Variants in UBE2G1 observed in about 807,000 individuals in gnomAD.
The protein encoded by UBE2G1 is ubiquitin-conjugating enzyme E2 G1.
In UBE2G1, 5 loss-of-function variants were observed where a neutral mutation model predicts 22.7. That is an observed-to-expected ratio of 0.22 (90% confidence interval 0.12 to 0.46). UBE2G1 has a LOEUF of 0.46. Among genes scored for constraint, UBE2G1 ranks in the 20% least tolerant of loss-of-function variants. The pLI is 0.99. For synonymous variants in UBE2G1, 74 were observed against 67.5 expected (o/e 1.10, Z -0.47); for missense variants, 88 against 203.9 (o/e 0.43, Z 3.46).
intron 1 of UBE2G1, among the ~76,000 whole-genome samples, chr17:4,353,462 TAC>T (rs150917099): frequency 0.3 from 44,463 of 147,196 alleles, 6,687 homozygotes; most frequent in Admixed American, 0.36. Flanking sequence ...TATATATATA[TAC>T]ACACACACAC....
intron 1 of UBE2G1, among the ~76,000 whole-genome samples, chr17:4,336,344 T>TA (rs947202174): frequency 2.6e-5 from 4 of 152,054 alleles, no homozygotes; most frequent in African/African-American, 4.8e-5. Flanking sequence ...TTTGAGAAGT[T>TA]AAAGTAAAAG....
At chr17:4,282,769 C>A in intron 5 of UBE2G1, 29 bp downstream of exon 5, 1 of 1,464,110 alleles carries the variant, frequency 6.8e-7, no homozygotes, top group Non-Finnish European at 9.3e-7. Flanking sequence ...TACAAAAAAA[C>A]AAAAGTATGA....
At chr17:4,327,482 C>T (rs1969515908) in intron 1 of UBE2G1, among the ~76,000 whole-genome samples, 1 of 151,708 alleles carries the variant, frequency 6.6e-6, no homozygotes, top group Admixed American at 6.6e-5. Context: ...ATAAAAGAAA[C>T]AGAAAAAGAA....
At chr17:4,295,747 CTTTAT>C (rs1969102290) in intron 3 of UBE2G1, among the ~76,000 whole-genome samples, 1 of 150,926 alleles carries the variant, frequency 6.6e-6, no homozygotes, top group African/African-American at 2.4e-5. Context: ...ACTTTGGGGA[CTTTAT>C]TTTACTTTAT....
intron 5 of UBE2G1, among the ~76,000 whole-genome samples, chr17:4,274,008 C>A (rs931247867): frequency 6.6e-6 from 1 of 151,756 alleles, no homozygotes; most frequent in Non-Finnish European, 1.5e-5. Context: ...TTTTTTGAGA[C>A]GGAGTCTTGC....
At chr17:4,289,153 TTACA>T in intron 4 of UBE2G1, 73 bp downstream of exon 4, 1 of 1,322,192 alleles carries the variant, frequency 7.6e-7, no homozygotes, top group South Asian at 1.9e-5. Context: ...TCATGCATAC[TTACA>T]TACATACTAA....
chr17:4,362,761 A>AG (rs1408815812), intron 1 of UBE2G1, among the ~76,000 whole-genome samples: 1 of 151,932 alleles, frequency 6.6e-6, no homozygotes, highest in East Asian at 1.9e-4. Context: ...TGGGGGCCGC[A>AG]GGGGGCAGCA....
intron 1 of UBE2G1, among the ~76,000 whole-genome samples, chr17:4,343,250 T>G (rs1476724593): frequency 6.6e-6 from 1 of 152,206 alleles, no homozygotes. Flanking sequence ...CAACATAAGG[T>G]AATTTTTACA....
intron 2 of UBE2G1, chr17:4,302,415 AT>A (rs1969194167): frequency 3.9e-6 from 2 of 507,034 alleles, no homozygotes; most frequent in African/African-American, 1.9e-5. Flanking sequence ...TTGCCTGTGC[AT>A]TTTGGCCAAC....
intron 1 of UBE2G1, 50 bp from the exon 2 acceptor site, chr17:4,307,173 T>A (rs571911442): frequency 2.1e-6 from 3 of 1,459,750 alleles, no homozygotes; most frequent in Admixed American, 1.7e-5. Flanking sequence ...ATAATTTGCA[T>A]CCAGTAGATA....
intron 1 of UBE2G1, among the ~76,000 whole-genome samples, chr17:4,346,459 G>T (rs1288937819): frequency 1.5e-5 from 2 of 131,142 alleles, no homozygotes; most frequent in African/African-American, 5.8e-5. Flanking sequence ...TTTTGAGACA[G>T]AGTCTCGCGC....
At chr17:4,357,070 G>A (rs913213466) in intron 1 of UBE2G1, among the ~76,000 whole-genome samples, 3 of 151,784 alleles carry the variant, frequency 2.0e-5, no homozygotes, top group African/African-American at 4.8e-5. Context: ...CCCCACCCCT[G>A]CCCCATCGGC....
At chr17:4,363,341 A>G (rs73330890) in intron 1 of UBE2G1, among the ~76,000 whole-genome samples, 3,623 of 152,280 alleles carry the variant, frequency 0.024, 160 homozygotes, top group African/African-American at 0.083. Context: ...TCTGCAGCTA[A>G]GTAACTTTAC....
At chr17:4,312,227 C>T (rs1040169485) in intron 1 of UBE2G1, among the ~76,000 whole-genome samples, 30 of 149,768 alleles carry the variant, frequency 2.0e-4, no homozygotes, top group African/African-American at 5.7e-4. Context: ...AGTGAAACTC[C>T]GACTCAAAAA....
At chr17:4,301,849 A>G in intron 2 of UBE2G1, 1 of 510,028 alleles carries the variant, frequency 2.0e-6, no homozygotes, top group Non-Finnish European at 3.8e-6. Flanking sequence ...GAAGTACGGT[A>G]AACATGAACT....
intron 5 of UBE2G1, among the ~76,000 whole-genome samples, chr17:4,280,033 T>C (rs1169175171): frequency 1.3e-5 from 2 of 151,204 alleles, no homozygotes; most frequent in East Asian, 1.9e-4. Context: ...TTTAGATAGA[T>C]AGACTTTTTT....
chr17:4,278,487 TGTTGGGC>T (rs1416691299), intron 5 of UBE2G1, among the ~76,000 whole-genome samples: 3 of 152,146 alleles, frequency 2.0e-5, no homozygotes, highest in African/African-American at 7.2e-5. Flanking sequence ...TACCAATTTG[TGTTGGGC>T]TGCATTCAAA....
intron 1 of UBE2G1, among the ~76,000 whole-genome samples, chr17:4,363,673 C>T (rs776338541): frequency 6.6e-6 from 1 of 152,010 alleles, no homozygotes; most frequent in Non-Finnish European, 1.5e-5. Context: ...TTCAGAGAGG[C>T]CGGGCCCGGT....
intron 1 of UBE2G1, among the ~76,000 whole-genome samples, chr17:4,349,388 G>A (rs1597264950): frequency 6.6e-6 from 1 of 152,192 alleles, no homozygotes; most frequent in Non-Finnish European, 1.5e-5. Context: ...CAATTACTTT[G>A]GATCACCTGC....
Sources: allele counts gnomAD v4.1 joint callset (sites outside exome capture counted in the v4.1 genomes callset), GRCh38; gene constraint gnomAD v4.1.1; transcripts MANE v1.5; gene names NCBI Gene and HGNC (gene_info 2026-07-23, HGNC 2026-07-21).